TTLL11: variants seen among roughly 807,000 people sequenced by gnomAD.
The protein encoded by TTLL11 is tubulin polyglutamylase TTLL11.
In TTLL11, 42 loss-of-function variants were observed where a neutral mutation model predicts 51.7. The ratio of observed to expected loss-of-function variants is 0.81; its 90% CI spans 0.64 to 1.05. The LOEUF (loss-of-function observed/expected upper bound fraction) is 1.05, where lower values mean the gene tolerates loss of function less well. Among genes scored for constraint, TTLL11 ranks in the 50% least tolerant of loss-of-function variants. The pLI is 0.00. For missense variants in TTLL11, 799 were observed against 940.4 expected, an observed-to-expected ratio of 0.85 and a Z score of 1.97; for synonymous variants, 381 against 383.5, an observed-to-expected ratio of 0.99 and a Z score of 0.08.
intron 3 of TTLL11, among the ~76,000 whole-genome samples, chr9:121,991,880 C>T (rs540599350): frequency 1.1e-4 from 16 of 152,258 alleles, no homozygotes; most frequent in African/African-American, 2.9e-4. Flanking sequence ...AGAGAGGTGA[C>T]GTGACTTCCC....
chr9:121,931,806 TCCCTCTGCAC>T (rs1840994983), intron 6 of TTLL11, among the ~76,000 whole-genome samples: 1 of 152,010 alleles, frequency 6.6e-6, no homozygotes. Context: ...AAGCCACTGG[TCCCTCTGCAC>T]TCTCAGCAGA....
intron 6 of TTLL11, among the ~76,000 whole-genome samples, chr9:121,948,265 G>A (rs1247419064): frequency 6.6e-6 from 1 of 152,160 alleles, no homozygotes; most frequent in African/African-American, 2.4e-5. Context: ...TGATCCTGGG[G>A]CTGCTCTTCT....
intron 6 of TTLL11, among the ~76,000 whole-genome samples, chr9:121,963,283 G>C (rs1184190662): frequency 1.3e-5 from 2 of 152,116 alleles, no homozygotes; most frequent in Non-Finnish European, 2.9e-5. Flanking sequence ...TTCTAATGAA[G>C]AAACTGAACT....
chr9:122,066,219 TGG>T (rs35063040), intron 1 of TTLL11, among the ~76,000 whole-genome samples: 2,333 of 149,922 alleles, frequency 0.016, 54 homozygotes, highest in African/African-American at 0.053. Flanking sequence ...TTGTTAGTGG[TGG>T]TGGTGGTGGT....
chr9:121,975,411 C>T (rs1254970569), intron 4 of TTLL11, among the ~76,000 whole-genome samples: 2 of 152,064 alleles, frequency 1.3e-5, no homozygotes, highest in African/African-American at 4.8e-5. Context: ...ATAAGGACCC[C>T]GTTCAAAACC....
At chr9:122,001,003 G>T (rs1843445176) in intron 3 of TTLL11, among the ~76,000 whole-genome samples, 1 of 152,196 alleles carries the variant, frequency 6.6e-6, no homozygotes, top group Non-Finnish European at 1.5e-5. Flanking sequence ...TAAGTTATGA[G>T]AAATCTACTG....
intron 6 of TTLL11, among the ~76,000 whole-genome samples, chr9:121,962,995 T>C (rs1842284804): frequency 6.6e-6 from 1 of 152,236 alleles, no homozygotes; most frequent in Non-Finnish European, 1.5e-5. Context: ...GCTAAATATC[T>C]GCACGTCTGT....
chr9:121,898,922 C>A (rs1839646572), intron 6 of TTLL11, among the ~76,000 whole-genome samples: 1 of 152,180 alleles, frequency 6.6e-6, no homozygotes. Flanking sequence ...TGTCCTCATG[C>A]CTGCTTCTGT....
intron 8 of TTLL11, among the ~76,000 whole-genome samples, chr9:121,856,597 C>T (rs1337316415): frequency 6.6e-6 from 1 of 151,938 alleles, no homozygotes; most frequent in African/African-American, 2.4e-5. Context: ...TCTTTATATC[C>T]CTGCAGGGCA....
At chr9:122,036,735 T>C (rs1319871940) in intron 2 of TTLL11, among the ~76,000 whole-genome samples, 1 of 152,078 alleles carries the variant, frequency 6.6e-6, no homozygotes, top group African/African-American at 2.4e-5. Context: ...GTATAGAAAG[T>C]GCATTTTAGA....
In TTLL11 at chr9:121,849,337, C is replaced by T. The variant is rs919649661; in HGVS notation, c.1840+11000G>A. Among the ~76,000 whole-genome samples, 5 of 152,058 alleles carry T rather than the reference C, an allele frequency of 3.3e-5. No individual in the cohort carries two copies. The East Asian group carries it at 5.8e-4, about 18-fold the overall frequency. ...ATATGGGAGAAAATCTAGATGACCT[C>T]GGGTTTGGCTATAAAATTTTAGACA... On this transcript the variant is annotated intron_variant, in intron 8 of 8. Coordinates refer to ENST00000321582, the MANE Select transcript of TTLL11 (RefSeq NM_001139442.2).
At chr9:122,091,550 A>G (rs1301752897) in intron 1 of TTLL11, among the ~76,000 whole-genome samples, 5 of 152,140 alleles carry the variant, frequency 3.3e-5, no homozygotes, top group Admixed American at 1.3e-4. Flanking sequence ...ACTTTTTCCT[A>G]TTGGGACATC....
intron 1 of TTLL11, among the ~76,000 whole-genome samples, chr9:122,048,838 C>A (rs1487391923): frequency 6.6e-6 from 1 of 152,158 alleles, no homozygotes; most frequent in Non-Finnish European, 1.5e-5. Flanking sequence ...CCATCACAGG[C>A]CATTCTGCAA....
chr9:122,092,607 G>A, intron 1 of TTLL11, 80 bp downstream of exon 1: 5 of 1,523,252 alleles, frequency 3.3e-6, no homozygotes, highest in Non-Finnish European at 4.4e-6. Flanking sequence ...CCGCCGACCT[G>A]ACCTGGGCCG....
chr9:122,060,762 C>T (rs956057198), intron 1 of TTLL11, among the ~76,000 whole-genome samples: 3 of 152,214 alleles, frequency 2.0e-5, no homozygotes, highest in Non-Finnish European at 4.4e-5. Context: ...CTCTTTCAGC[C>T]TCAAATCAGG....
intron 3 of TTLL11, among the ~76,000 whole-genome samples, chr9:122,006,981 CAAAAAAAAAA>C (rs71371911): frequency 1.8e-4 from 8 of 43,462 alleles, no homozygotes; most frequent in East Asian, 1.4e-3. Flanking sequence ...GATACTCTGT[CAAAAAAAAAA>C]AAAAAAAAAA....
chr9:121,905,702 T>G (rs548018928), intron 6 of TTLL11, among the ~76,000 whole-genome samples: 5 of 152,192 alleles, frequency 3.3e-5, no homozygotes, highest in Non-Finnish European at 7.3e-5. Flanking sequence ...AGTTTACCTA[T>G]AGACATCATC....
chr9:122,001,803 A>C (rs548921092), intron 3 of TTLL11, among the ~76,000 whole-genome samples: 52 of 152,302 alleles, frequency 3.4e-4, no homozygotes, highest in African/African-American at 1.2e-3. Flanking sequence ...GGAACGGGAC[A>C]CTCAGCCTGA....
At chr9:121,831,431 T>G (rs1189476498) in intron 8 of TTLL11, among the ~76,000 whole-genome samples, 1 of 152,194 alleles carries the variant, frequency 6.6e-6, no homozygotes, top group African/African-American at 2.4e-5. Context: ...CTGGGCCCAG[T>G]GGCTCACACC....
Sources: allele counts gnomAD v4.1 joint callset (sites outside exome capture counted in the v4.1 genomes callset), GRCh38; gene constraint gnomAD v4.1.1; transcripts MANE v1.5; gene names NCBI Gene and HGNC (gene_info 2026-07-23, HGNC 2026-07-21).